ADAP1: variants seen among roughly 807,000 people sequenced by gnomAD.
ADAP1 encodes the protein arf-GAP with dual PH domain-containing protein 1.
A neutral mutation model predicts 54.9 loss-of-function variants in ADAP1; 31 were observed. That is an observed-to-expected ratio of 0.56 (90% confidence interval 0.42 to 0.76). The LOEUF is 0.76. ADAP1 is among the 30% of genes least tolerant of loss of function. The pLI, the probability that ADAP1 is intolerant of heterozygous loss-of-function variation, is 0.00. For synonymous variants in ADAP1, 313 were observed against 202.6 expected (o/e 1.55, Z -4.63); for missense variants, 535 against 512.4 (o/e 1.04, Z -0.42).
intron 4 of ADAP1, among the ~76,000 whole-genome samples, chr7:908,763 G>T (rs572148367): frequency 2.0e-5 from 3 of 152,348 alleles, no homozygotes; most frequent in South Asian, 4.1e-4. Flanking sequence ...GCCCAGCGGC[G>T]CTTCCCGGCC....
Position 905,065 on chromosome 7 carries a change from T to G in ADAP1, c.496A>C (p.Asn166His), listed in dbSNP as rs148274328. Residue 166 changes from asparagine (N) to histidine (H), a missense_variant, in exon 5 of 11, where the codon AAT becomes CAT. Asn to His is a moderately conservative substitution (Grantham distance 68, BLOSUM62 1). Transcript: ENST00000265846. ...REGALKYFNR[N>H]DAKEPKAVMK... ...CACCCCCGTCTGTGACTCACATCAT[T>G]TCTGTTGAAATACTTCAGAGCACCC... 1.9e-6 allele frequency: 3 copies of G among 1,610,654 alleles called. No homozygotes were observed. The African/African-American group carries it at 4.0e-5, about 21-fold the overall frequency.
chr7:952,987 G>A (rs1473615517), intron 1 of ADAP1, among the ~76,000 whole-genome samples: 1 of 152,160 alleles, frequency 6.6e-6, no homozygotes, highest in African/African-American at 2.4e-5. Flanking sequence ...TGGCTGGAGA[G>A]GGGCCCTGAG....
At position 900,315 on chromosome 7, in the gene ADAP1, C is replaced by CTT. The variant is rs1844725653; in HGVS notation, c.733-152_733-151insAA. 2.9e-6 allele frequency: 3 copies of CTT among 1,039,706 alleles called. No homozygotes were observed. The East Asian group carries it at 7.7e-5, about 27-fold the overall frequency. 64.4% of individuals were successfully genotyped at this position (1,039,706 alleles called of 1,614,324 possible). ...CTCCGCAGGATCCACATTTCTGCCT[C>CTT]TGCTTGCCACCCCTTCCCTCCCCGC... is the stretch of plus-strand genomic sequence containing the variant. On this transcript the variant is annotated intron_variant, in intron 7 of 10. Transcript: ENST00000265846.
At chr7:904,954 G>C (rs1420117229) in intron 5 of ADAP1, 106 bp downstream of exon 5, 48 of 959,206 alleles carry the variant, frequency 5.0e-5, no homozygotes, top group Admixed American at 1.7e-4. Flanking sequence ...GGGGGGGGCA[G>C]CAGGGAGGGC....
At chr7:913,039 C>A (rs1348732444) in intron 4 of ADAP1, among the ~76,000 whole-genome samples, 1 of 151,562 alleles carries the variant, frequency 6.6e-6, no homozygotes, top group Non-Finnish European at 1.5e-5. Flanking sequence ...GAGACGGAGT[C>A]TCCCCACGTT....
intron 4 of ADAP1, among the ~76,000 whole-genome samples, chr7:913,606 T>C (rs1171911917): frequency 6.6e-6 from 1 of 152,180 alleles, no homozygotes; most frequent in Non-Finnish European, 1.5e-5. Flanking sequence ...CTTCCTTTTG[T>C]TGCTCAAATT....
At chr7:915,373 A>T (rs375642543) in intron 4 of ADAP1, among the ~76,000 whole-genome samples, 53 of 152,338 alleles carry the variant, frequency 3.5e-4, no homozygotes, top group African/African-American at 1.2e-3. Flanking sequence ...GGCACAGCCC[A>T]TGCGGCCTGG....
chr7:952,821 T>C (rs560507895), intron 1 of ADAP1, among the ~76,000 whole-genome samples: 2 of 152,036 alleles, frequency 1.3e-5, no homozygotes, highest in African/African-American at 4.8e-5. Flanking sequence ...GCGTGGGGCA[T>C]AGGGACGGCA....
At chr7:947,867 C>T (rs1290097615) in intron 1 of ADAP1, among the ~76,000 whole-genome samples, 1 of 152,118 alleles carries the variant, frequency 6.6e-6, no homozygotes, top group Non-Finnish European at 1.5e-5. Flanking sequence ...GTCCCCCAGC[C>T]CTGCGTGGCC....
chr7:935,207 G>A (rs1231251829), intron 2 of ADAP1, 168 bp downstream of exon 2: 2 of 945,926 alleles, frequency 2.1e-6, no homozygotes, highest in Non-Finnish European at 3.3e-6. Flanking sequence ...CCACACAGGC[G>A]GAGCCGCTGG....
At chr7:930,225 C>T (rs554475433) in intron 2 of ADAP1, among the ~76,000 whole-genome samples, 1 of 150,676 alleles carries the variant, frequency 6.6e-6, no homozygotes, top group South Asian at 2.1e-4. Context: ...AAAATTTCCA[C>T]GGCAAAAACC....
intron 1 of ADAP1, among the ~76,000 whole-genome samples, chr7:937,872 G>A (rs979864265): frequency 5.3e-5 from 8 of 152,122 alleles, no homozygotes; most frequent in African/African-American, 1.7e-4. Flanking sequence ...CCCCATTAAC[G>A]TGGGCTTCTT....
chr7:949,281 A>C (rs1171671531), intron 1 of ADAP1, among the ~76,000 whole-genome samples: 1 of 152,092 alleles, frequency 6.6e-6, no homozygotes, highest in Non-Finnish European at 1.5e-5. Flanking sequence ...CCTCCTGGCC[A>C]CACGGCCACG....
At chr7:951,168 A>T (rs1390719368) in intron 1 of ADAP1, among the ~76,000 whole-genome samples, 1 of 151,652 alleles carries the variant, frequency 6.6e-6, no homozygotes, top group Non-Finnish European at 1.5e-5. Context: ...AGGTCAGGAG[A>T]CGGAGACCAT....
At chr7:919,943 C>G in intron 4 of ADAP1, 25 bp downstream of exon 4, 1 of 1,584,140 alleles carries the variant, frequency 6.3e-7, no homozygotes, top group Non-Finnish European at 8.6e-7. Context: ...AGCCGGGAGG[C>G]CCCACCCCAC....
At chr7:910,114 C>T (rs1469549134) in intron 4 of ADAP1, among the ~76,000 whole-genome samples, 1 of 152,214 alleles carries the variant, frequency 6.6e-6, no homozygotes, top group African/African-American at 2.4e-5. Context: ...GGCCCTTCCA[C>T]GCTGCCCGTG....
Position 920,038 on chromosome 7 carries a change from C to G in ADAP1, c.318G>C (p.Glu106Asp), listed in dbSNP as rs1583161285. The G allele has an allele frequency of 6.2e-7, 1 of 1,606,668 alleles. No individual in the cohort carries two copies. Among genetic ancestry groups the G allele is most frequent in the African/African-American group, 1.3e-5 (1 of 74,620 alleles). Residue 106 changes from glutamate to aspartate, a missense_variant, in exon 4 of 11, where the codon GAG (glutamate) becomes GAC (aspartate). Physicochemically the swap from Glu to Asp is conservative, Grantham distance 45. Transcript: ENST00000265846. The surrounding 1 kb of genome is among the most constrained non-coding windows in gnomAD (Gnocchi z 4.5). The stretch of plus-strand genomic sequence containing the variant: ...GCTCGTACTTGGCCCGGATCCACTG[C>G]TCTCGAAGGAGCCTGTGGGGAGAGG... Reference protein sequence around the residue: ...PTPSDCQLLREQWIRAKYERQ... With the variant: ...PTPSDCQLLRDQWIRAKYERQ...
chr7:951,046 G>C (rs1176444363), intron 1 of ADAP1, among the ~76,000 whole-genome samples: 1 of 151,738 alleles, frequency 6.6e-6, no homozygotes, highest in African/African-American at 2.4e-5. Flanking sequence ...CCCTGGAACT[G>C]TGCACTCGAA....
chr7:905,464 GA>G (rs1317559314), intron 4 of ADAP1: 1 of 108,876 alleles, frequency 9.2e-6, no homozygotes, highest in Non-Finnish European at 1.8e-5. Flanking sequence ...AGGGAAAGGA[GA>G]AAGGAGAAAG....
Sources: allele counts gnomAD v4.1 joint callset (sites outside exome capture counted in the v4.1 genomes callset), GRCh38; gene constraint gnomAD v4.1.1; non-coding constraint Gnocchi (gnomAD v3.1); transcripts MANE v1.5; gene names NCBI Gene and HGNC (gene_info 2026-07-23, HGNC 2026-07-21).